Variants in NBAS observed in about 807,000 individuals in gnomAD.
NBAS encodes the protein NAG/BC035112 fusion.
A neutral mutation model predicts 302.5 loss-of-function variants in NBAS; 219 were observed. That is an observed-to-expected ratio of 0.72 (90% confidence interval 0.65 to 0.81). NBAS has a LOEUF of 0.81. Among genes scored for constraint, NBAS ranks in the 30% least tolerant of loss-of-function variants. NBAS has a pLI of 0.00. For synonymous variants in NBAS, 1,118 were observed against 1,021.6 expected, an observed-to-expected ratio of 1.09 and a Z score of -1.80; for missense variants, 2,932 against 2,841.6, an observed-to-expected ratio of 1.03 and a Z score of -0.72.
intron 12 of NBAS, among the ~76,000 whole-genome samples, chr2:15,488,424 A>C (rs1437483759): frequency 6.6e-6 from 1 of 152,156 alleles, no homozygotes; most frequent in African/African-American, 2.4e-5. Context: ...GGACACTAAC[A>C]AAGAGTTCCA....
At chr2:14,801,408 AT>A in the NBAS span, among the ~76,000 whole-genome samples, 78 of 152,136 alleles carry the variant, frequency 5.1e-4, 1 homozygote, top group African/African-American at 9.6e-4. Context: ...AATTTCACCA[AT>A]TTTTTATTCT....
At chr2:15,017,011 AT>A in the NBAS span, among the ~76,000 whole-genome samples, 1 of 152,132 alleles carries the variant, frequency 6.6e-6, no homozygotes, top group Non-Finnish European at 1.5e-5. Context: ...ACTTTTAGTT[AT>A]TTTAAAATGC....
chr2:14,898,654 T>A, the NBAS span, among the ~76,000 whole-genome samples: 36,153 of 152,112 alleles, frequency 0.24, 4,472 homozygotes, highest in Non-Finnish European at 0.27. Context: ...CAAGATCTGA[T>A]GGTTTTATCA....
chr2:15,216,105 CCAGA>C (rs1178779148), intron 48 of NBAS, among the ~76,000 whole-genome samples: 1 of 152,092 alleles, frequency 6.6e-6, no homozygotes, highest in Non-Finnish European at 1.5e-5. Flanking sequence ...ATCAGTAATG[CCAGA>C]CAGACATCTT....
At chr2:15,324,143 C>G (rs1671957131) in intron 38 of NBAS, among the ~76,000 whole-genome samples, 1 of 152,024 alleles carries the variant, frequency 6.6e-6, no homozygotes. Flanking sequence ...GAGCAACAGC[C>G]CAGGACAGAA....
intron 51 of NBAS, among the ~76,000 whole-genome samples, chr2:15,173,627 C>T (rs1469372050): frequency 2.0e-5 from 3 of 152,158 alleles, no homozygotes; most frequent in Non-Finnish European, 4.4e-5. Context: ...TCTCAGCATA[C>T]CATCAGTTTC....
the NBAS span, among the ~76,000 whole-genome samples, chr2:14,879,940 A>C: frequency 0.052 from 7,846 of 152,238 alleles, 249 homozygotes; most frequent in African/African-American, 0.066. Flanking sequence ...GTAGACTAGC[A>C]ATTGGAGAAG....
chr2:15,343,694 A>G (rs2148275616), intron 35 of NBAS, among the ~76,000 whole-genome samples: 1 of 152,180 alleles, frequency 6.6e-6, no homozygotes, highest in East Asian at 1.9e-4. Context: ...CAAAAAAGGG[A>G]CAACTTATTC....
chr2:15,517,618 A>G (rs1193627197), intron 9 of NBAS, among the ~76,000 whole-genome samples: 1 of 152,206 alleles, frequency 6.6e-6, no homozygotes, highest in Non-Finnish European at 1.5e-5. Flanking sequence ...GTAGGTACGT[A>G]GTTTTACAGA....
chr2:15,121,755 A>G, the NBAS span, among the ~76,000 whole-genome samples: 1 of 150,504 alleles, frequency 6.6e-6, no homozygotes, highest in African/African-American at 2.5e-5. Context: ...GCCCGTTACT[A>G]CTTCAAACTT....
At chr2:14,796,105 T>C in the NBAS span, among the ~76,000 whole-genome samples, 1 of 152,244 alleles carries the variant, frequency 6.6e-6, no homozygotes, top group Non-Finnish European at 1.5e-5. Flanking sequence ...TTGAAAAGAA[T>C]ATTCTTTCTC....
chr2:15,218,999 A>C (rs1666791536), intron 47 of NBAS, 31 bp from the exon 48 acceptor site: 1 of 1,612,436 alleles, frequency 6.2e-7, no homozygotes, highest in Non-Finnish European at 8.5e-7. Flanking sequence ...GTATCTGTAA[A>C]CTCCTAAGCC....
At chr2:15,195,030 A>G (rs1665553286) in intron 48 of NBAS, among the ~76,000 whole-genome samples, 1 of 152,240 alleles carries the variant, frequency 6.6e-6, no homozygotes, top group Admixed American at 6.5e-5. Flanking sequence ...AGATCAACAT[A>G]TAAAAATCAA....
chr2:15,270,804 G>A (rs958047505), intron 44 of NBAS, among the ~76,000 whole-genome samples: 4 of 151,990 alleles, frequency 2.6e-5, no homozygotes, highest in African/African-American at 4.8e-5. Flanking sequence ...GTCTTTCATA[G>A]CTTAATGTCT....
At chr2:15,169,188 C>T (rs1429652934) in intron 51 of NBAS, among the ~76,000 whole-genome samples, 2 of 152,224 alleles carry the variant, frequency 1.3e-5, no homozygotes, top group South Asian at 2.1e-4. Context: ...GTCTTTTCTC[C>T]GGCCTCCCAA....
the NBAS span, among the ~76,000 whole-genome samples, chr2:14,851,269 A>G: frequency 6.9e-6 from 1 of 145,728 alleles, no homozygotes; most frequent in Non-Finnish European, 1.5e-5. Flanking sequence ...TCCCACAGAA[A>G]TACAAACTAC....
At chr2:15,503,761 T>G (rs567111240) in intron 11 of NBAS, among the ~76,000 whole-genome samples, 4 of 152,306 alleles carry the variant, frequency 2.6e-5, no homozygotes, top group East Asian at 1.9e-4. Flanking sequence ...GGGAAGAATT[T>G]TTTTTAATAT....
intron 35 of NBAS, among the ~76,000 whole-genome samples, chr2:15,334,157 G>T (rs930986674): frequency 6.6e-5 from 10 of 151,332 alleles, no homozygotes; most frequent in African/African-American, 2.4e-4. Context: ...CAGACAACTG[G>T]CCTAGAGGTG....
chr2:15,246,890 C>T (rs1668117141), intron 44 of NBAS, among the ~76,000 whole-genome samples: 1 of 152,140 alleles, frequency 6.6e-6, no homozygotes, highest in Non-Finnish European at 1.5e-5. Context: ...AAAGACATTA[C>T]AAAGAGGCAT....
Sources: gnomAD v4.1 joint callset for allele counts (sites outside exome capture counted in the v4.1 genomes callset) on GRCh38, gnomAD v4.1.1 for gene constraint, MANE v1.5 for transcripts, NCBI Gene and HGNC (gene_info 2026-07-23, HGNC 2026-07-21) for gene names.